METTL15: variants seen among roughly 807,000 people sequenced by gnomAD.
METTL15 encodes the protein 12S rRNA N(4)-cytidine methyltransferase METTL15.
METTL15 carries 34 observed loss-of-function variants against 38.3 expected under a neutral mutation model. The ratio of observed to expected loss-of-function variants is 0.89; its 90% CI spans 0.68 to 1.18. The LOEUF (loss-of-function observed/expected upper bound fraction) is 1.18, where lower values mean the gene tolerates loss of function less well. METTL15 is among the 50% of genes most tolerant of loss of function. METTL15 has a pLI of 0.00. For missense variants in METTL15, 438 were observed against 498.4 expected (o/e 0.88, Z 1.15); for synonymous variants, 162 against 170.9 (o/e 0.95, Z 0.41).
At chr11:28,311,785 T>G (rs1857313361) in intron 6 of METTL15, among the ~76,000 whole-genome samples, 1 of 152,278 alleles carries the variant, frequency 6.6e-6, no homozygotes, top group Non-Finnish European at 1.5e-5. Context: ...TAACCTTTGT[T>G]GAATGAAACG....
intron 4 of METTL15, among the ~76,000 whole-genome samples, chr11:28,220,170 C>A (rs1019471785): frequency 1.3e-5 from 2 of 152,078 alleles, no homozygotes; most frequent in East Asian, 3.9e-4. Context: ...GTGTTAAAGT[C>A]TGCCATTATT....
chr11:28,456,938 C>T (rs114507733), intron 6 of METTL15, among the ~76,000 whole-genome samples: 230 of 152,330 alleles, frequency 1.5e-3, no homozygotes, highest in African/African-American at 5.5e-3. Context: ...TGTGAAGCCT[C>T]AGACACTCTG....
chr11:28,258,753 A>C (rs1419765318), intron 4 of METTL15, among the ~76,000 whole-genome samples: 1 of 152,086 alleles, frequency 6.6e-6, no homozygotes, highest in Non-Finnish European at 1.5e-5. Flanking sequence ...TGCCTGGCTT[A>C]GGACTCACCC....
intron 4 of METTL15, among the ~76,000 whole-genome samples, chr11:28,273,277 G>A (rs1398216308): frequency 2.0e-5 from 3 of 151,982 alleles, no homozygotes; most frequent in Non-Finnish European, 2.9e-5. Flanking sequence ...TATTATTTCC[G>A]AAGTTAAGCT....
chr11:28,288,862 A>T (rs553674255), intron 4 of METTL15, among the ~76,000 whole-genome samples: 9 of 152,216 alleles, frequency 5.9e-5, no homozygotes, highest in African/African-American at 2.2e-4. Context: ...TCATCTGGCC[A>T]GTGTTGGGCC....
At chr11:28,404,399 C>A (rs1455406525) in intron 5 of METTL15, among the ~76,000 whole-genome samples, 1 of 152,042 alleles carries the variant, frequency 6.6e-6, no homozygotes, top group Non-Finnish European at 1.5e-5. Flanking sequence ...AATCCAAGAT[C>A]TAGGATCCAG....
chr11:28,218,208 CAT>C (rs1229616449), intron 4 of METTL15, among the ~76,000 whole-genome samples: 1 of 152,022 alleles, frequency 6.6e-6, no homozygotes, highest in Non-Finnish European at 1.5e-5. Context: ...TGTTCTTCCA[CAT>C]GTTTGTATCC....
intron 3 of METTL15, among the ~76,000 whole-genome samples, chr11:28,189,368 T>C (rs577752392): frequency 1.3e-5 from 2 of 151,436 alleles, no homozygotes; most frequent in South Asian, 4.1e-4. Flanking sequence ...GCCTACAGAA[T>C]GTTATAATAG....
At chr11:28,411,407 G>C (rs997833224) in intron 5 of METTL15, among the ~76,000 whole-genome samples, 3 of 151,900 alleles carry the variant, frequency 2.0e-5, no homozygotes, top group Non-Finnish European at 4.4e-5. Context: ...AGGGAACACA[G>C]AATAGAAAGC....
intron 6 of METTL15, among the ~76,000 whole-genome samples, chr11:28,329,959 TA>T (rs1385553283): frequency 6.6e-6 from 1 of 152,184 alleles, no homozygotes; most frequent in East Asian, 1.9e-4. Context: ...CTTCTTTATG[TA>T]ATGAATTTTC....
intron 6 of METTL15, among the ~76,000 whole-genome samples, chr11:28,498,074 G>A (rs1039683600): frequency 2.6e-5 from 4 of 151,528 alleles, no homozygotes; most frequent in Non-Finnish European, 5.9e-5. Flanking sequence ...AAGGAGGGGT[G>A]GATGCAAAGT....
At chr11:28,142,162 T>A (rs1849721209) in intron 3 of METTL15, among the ~76,000 whole-genome samples, 1 of 152,188 alleles carries the variant, frequency 6.6e-6, no homozygotes, top group African/African-American at 2.4e-5. Flanking sequence ...TGACTTTGTT[T>A]ATGATTCTAG....
chr11:28,325,272 A>G (rs1047568264), intron 6 of METTL15, among the ~76,000 whole-genome samples: 2 of 152,230 alleles, frequency 1.3e-5, no homozygotes, highest in South Asian at 2.1e-4. Context: ...TCACTGAGTC[A>G]TGCAAGATGT....
At chr11:28,170,533 A>G (rs1309351141) in intron 3 of METTL15, among the ~76,000 whole-genome samples, 1 of 152,144 alleles carries the variant, frequency 6.6e-6, no homozygotes, top group Admixed American at 6.5e-5. Context: ...CTTGATTGAT[A>G]ATACTTATAA....
At chr11:28,384,274 C>G (rs996049867) in intron 5 of METTL15, among the ~76,000 whole-genome samples, 15 of 151,492 alleles carry the variant, frequency 9.9e-5, no homozygotes, top group Non-Finnish European at 1.8e-4. Context: ...TAGTGCTGCA[C>G]TAAACATATG....
At chr11:28,352,419 A>G (rs1455916043) in intron 4 of METTL15, among the ~76,000 whole-genome samples, 2 of 152,204 alleles carry the variant, frequency 1.3e-5, no homozygotes, top group African/African-American at 4.8e-5. Flanking sequence ...GACAATCAGT[A>G]AATATTTGTG....
intron 3 of METTL15, among the ~76,000 whole-genome samples, chr11:28,210,290 A>T (rs1328129917): frequency 1.3e-5 from 2 of 152,008 alleles, no homozygotes; most frequent in African/African-American, 4.8e-5. Flanking sequence ...CACTCTTAAA[A>T]ATGTTTTGAT....
chr11:28,296,541 G>A (rs1374909501), intron 5 of METTL15, among the ~76,000 whole-genome samples: 2 of 152,146 alleles, frequency 1.3e-5, no homozygotes, highest in Non-Finnish European at 1.5e-5. Flanking sequence ...TGACCTTGAT[G>A]AATGTTATAA....
intron 4 of METTL15, among the ~76,000 whole-genome samples, chr11:28,254,344 C>G (rs187894987): frequency 7.9e-5 from 12 of 152,108 alleles, no homozygotes; most frequent in Non-Finnish European, 1.2e-4. Context: ...TTTTTTTCCC[C>G]CATGAGTTAT....
Sources: gnomAD v4.1 joint callset for allele counts (sites outside exome capture counted in the v4.1 genomes callset) on GRCh38, gnomAD v4.1.1 for gene constraint, MANE v1.5 for transcripts, NCBI Gene and HGNC (gene_info 2026-07-23, HGNC 2026-07-21) for gene names.